Variants in WDPCP observed in about 807,000 individuals in gnomAD.
WDPCP encodes the protein WD repeat containing planar cell polarity effector, also known as WD repeat-containing and planar cell polarity effector protein fritz homolog.
WDPCP carries 71 observed loss-of-function variants against 93.1 expected under a neutral mutation model. The ratio of observed to expected loss-of-function variants is 0.76; its 90% CI spans 0.63 to 0.93. The LOEUF is 0.93. Ranked by LOEUF, WDPCP falls within the 40% of genes least tolerant of loss-of-function variation. The pLI is 0.00. For synonymous variants in WDPCP, 315 were observed against 315.0 expected (o/e 1.00, Z 0.00); for missense variants, 844 against 887.4 (o/e 0.95, Z 0.62).
chr2:63,274,363 T>C (rs1355210960), intron 13 of WDPCP, among the ~76,000 whole-genome samples: 3 of 152,078 alleles, frequency 2.0e-5, no homozygotes. Flanking sequence ...AAGTACTTTT[T>C]TGTACATCAG....
chr2:63,345,502 A>G (rs1689128339), intron 12 of WDPCP, among the ~76,000 whole-genome samples: 1 of 152,184 alleles, frequency 6.6e-6, no homozygotes, highest in Non-Finnish European at 1.5e-5. Flanking sequence ...GGCTAGTGAA[A>G]GACTGAGTGC....
chr2:63,429,081 C>A (rs978440252), intron 9 of WDPCP, among the ~76,000 whole-genome samples: 3 of 152,136 alleles, frequency 2.0e-5, no homozygotes, highest in Non-Finnish European at 2.9e-5. Flanking sequence ...AAAACACTCC[C>A]TATTCAATAA....
At chr2:63,507,850 C>T (rs1050391525) in intron 1 of WDPCP, among the ~76,000 whole-genome samples, 3 of 151,712 alleles carry the variant, frequency 2.0e-5, no homozygotes, top group African/African-American at 7.3e-5. Flanking sequence ...TGAAGATCAA[C>T]TTAATGAAAT....
chr2:63,706,126 A>AT (rs1399578760), intron 2 of WDPCP, among the ~76,000 whole-genome samples: 2 of 151,872 alleles, frequency 1.3e-5, no homozygotes, highest in Non-Finnish European at 1.5e-5. Flanking sequence ...CAACCCCTGC[A>AT]TTTTTTTGTT....
At chr2:63,546,108 A>G (rs1705134611) in intron 1 of WDPCP, among the ~76,000 whole-genome samples, 1 of 152,206 alleles carries the variant, frequency 6.6e-6, no homozygotes. Flanking sequence ...TATTCACTGA[A>G]GCAGAAAAAT....
chr2:63,125,129 C>T (rs1445170674), intron 17 of WDPCP, among the ~76,000 whole-genome samples: 1 of 152,162 alleles, frequency 6.6e-6, no homozygotes, highest in East Asian at 1.9e-4. Context: ...TCTTTTTCAT[C>T]AACATGGCAG....
intron 14 of WDPCP, among the ~76,000 whole-genome samples, chr2:63,216,781 AAAAAT>A (rs1399466307): frequency 6.6e-6 from 1 of 152,066 alleles, no homozygotes; most frequent in African/African-American, 2.4e-5. Flanking sequence ...TTTTTTTCCT[AAAAAT>A]TTATTAGCTT....
intron 1 of WDPCP, among the ~76,000 whole-genome samples, chr2:63,575,390 G>GTA (rs1157053810): frequency 2.5e-5 from 2 of 81,328 alleles, no homozygotes; most frequent in Non-Finnish European, 2.6e-5. Context: ...TATATACACG[G>GTA]TATATACAGT....
At chr2:63,443,301 T>C (rs1307661587) in intron 6 of WDPCP, 1 of 152,104 alleles carries the variant, frequency 6.6e-6, no homozygotes, top group South Asian at 2.1e-4. Flanking sequence ...ATAAGAACTA[T>C]AGAGCAAATT....
intron 6 of WDPCP, among the ~76,000 whole-genome samples, chr2:63,476,595 G>A (rs1051348230): frequency 1.3e-5 from 2 of 152,052 alleles, no homozygotes; most frequent in African/African-American, 4.8e-5. Context: ...TATTTTCCTT[G>A]ACTAGGTTAT....
At chr2:63,438,124 C>T in intron 7 of WDPCP, 1 of 777,914 alleles carries the variant, frequency 1.3e-6, no homozygotes, top group Non-Finnish European at 1.7e-6. Context: ...AATATTTCTA[C>T]AGCTTTGTCA....
intron 14 of WDPCP, among the ~76,000 whole-genome samples, chr2:63,178,592 C>A (rs998934156): frequency 6.6e-6 from 1 of 151,770 alleles, no homozygotes; most frequent in African/African-American, 2.4e-5. Flanking sequence ...TGAGTCTTCT[C>A]TCTTTTTTTT....
Position 63,411,440 on chromosome 2 carries a change from G to A in WDPCP, c.826-6783C>T, listed in dbSNP as rs560034834. 1.3e-4 allele frequency among the ~76,000 whole-genome samples: 20 copies of A among 152,132 alleles called. No homozygotes were observed. The South Asian group carries it at 3.9e-3, about 30-fold the overall frequency. On this transcript the variant is annotated intron_variant, in intron 9 of 17. Transcript: ENST00000272321. ...CTACATCAAAAAGACTGAAAGAGCA[G>A]AAACTGACATTCTAAGGTCACTTCA...
Position 63,561,342 on chromosome 2 carries a change from G to A in WDPCP, c.75+26855C>T, listed in dbSNP as rs144805284. Among the ~76,000 whole-genome samples, 540 of 152,218 alleles carry A rather than the reference G, an allele frequency of 3.5e-3. 6 individuals carry two copies. The highest frequency in any genetic ancestry group is 0.012 in the African/African-American group (518 of 41,548). On this transcript the variant is annotated intron_variant, in intron 1 of 17. Transcript: ENST00000272321. Reference sequence around the variant, plus strand: ...AAATACAAAAAACCAGCTGGGCGTGGTGGCACACACCCGTAGTCCCAGCTG... The same window carrying A: ...AAATACAAAAAACCAGCTGGGCGTGATGGCACACACCCGTAGTCCCAGCTG...
chr2:63,762,972 G>A (rs1670079307), intron 2 of WDPCP, among the ~76,000 whole-genome samples: 3 of 152,170 alleles, frequency 2.0e-5, no homozygotes, highest in Non-Finnish European at 4.4e-5. Context: ...AGTTTCTCCA[G>A]TATACCAGAC....
intron 1 of WDPCP, among the ~76,000 whole-genome samples, chr2:63,534,225 T>A (rs1238851636): frequency 6.6e-6 from 1 of 152,096 alleles, no homozygotes; most frequent in South Asian, 2.1e-4. Flanking sequence ...ATTAATAGCT[T>A]ACCAACTAAA....
At chr2:63,840,568 C>T in the WDPCP span, among the ~76,000 whole-genome samples, 1 of 152,212 alleles carries the variant, frequency 6.6e-6, no homozygotes, top group African/African-American at 2.4e-5. Context: ...TCCTCACCCT[C>T]CCCCAACCAG....
At chr2:63,237,969 A>C (rs188056786) in intron 14 of WDPCP, among the ~76,000 whole-genome samples, 37 of 151,894 alleles carry the variant, frequency 2.4e-4, no homozygotes, top group African/African-American at 8.7e-4. Context: ...GCATTCCCCT[A>C]GTCTCAAATG....
intron 13 of WDPCP, among the ~76,000 whole-genome samples, chr2:63,297,236 C>T (rs1684937547): frequency 1.3e-5 from 2 of 152,158 alleles, no homozygotes; most frequent in South Asian, 2.1e-4. Context: ...CACTTAACAA[C>T]CTCCACTTGG....
Sources: allele counts gnomAD v4.1 joint callset (sites outside exome capture counted in the v4.1 genomes callset), GRCh38; gene constraint gnomAD v4.1.1; transcripts MANE v1.5; gene names NCBI Gene and HGNC (gene_info 2026-07-23, HGNC 2026-07-21).